The following KCMF1 variants were observed in gnomAD, a reference collection of about 807,000 sequenced individuals.
KCMF1 encodes the protein potassium channel modulatory factor 1.
KCMF1 carries 3 observed loss-of-function variants against 41.1 expected under a neutral mutation model. The observed-to-expected ratio is 0.07, with a 90% confidence interval of 0.03 to 0.19. The LOEUF (loss-of-function observed/expected upper bound fraction) is 0.19. Ranked by LOEUF, KCMF1 falls within the 10% of genes least tolerant of loss-of-function variation. The pLI is 1.00. For missense variants in KCMF1, 286 were observed against 488.9 expected (o/e 0.58, Z 3.91); for synonymous variants, 142 against 164.5 (o/e 0.86, Z 1.04).
intron 3 of KCMF1, among the ~76,000 whole-genome samples, chr2:85,037,282 A>G (rs1284703958): frequency 1.3e-5 from 2 of 152,136 alleles, no homozygotes; most frequent in Non-Finnish European, 1.5e-5. Context: ...GTTCCCACCC[A>G]TACACCTAGA....
At position 85,049,499 on chromosome 2, in the gene KCMF1, G is replaced by A. The variant is rs1675755282; in HGVS notation, c.735G>A (p.Arg245=). ...AACGGCAGCATGCCCAGGCAGCACGGCAACAACTGGAGACCGCACGCAACG... is the reference window on the plus strand; with the variant it reads ...AACGGCAGCATGCCCAGGCAGCACGACAACAACTGGAGACCGCACGCAACG... ...QLERQHAQAA[R]QQLETARNAT... is the part of the protein sequence containing the mutation. The change falls in exon 6 of 7, where the codon CGG becomes CGA. Residue 245 remains arginine, a synonymous_variant. Transcript: ENST00000409785. The A allele has an allele frequency of 1.9e-6, 3 of 1,614,016 alleles. No individual in the cohort carries two copies. The highest frequency in any genetic ancestry group is 2.5e-6 in the Non-Finnish European group (3 of 1,179,904).
At chr2:85,016,636 T>C (rs2104011757) in intron 1 of KCMF1, among the ~76,000 whole-genome samples, 1 of 152,270 alleles carries the variant, frequency 6.6e-6, no homozygotes, top group East Asian at 1.9e-4. Flanking sequence ...CCATTTTCTT[T>C]AAGCAAAATA....
intron 1 of KCMF1, among the ~76,000 whole-genome samples, chr2:84,991,992 T>C (rs1674050905): frequency 6.6e-6 from 1 of 152,200 alleles, no homozygotes; most frequent in South Asian, 2.1e-4. Flanking sequence ...ACTTCTGCAA[T>C]GGATGAAATT....
intron 1 of KCMF1, among the ~76,000 whole-genome samples, chr2:85,022,934 G>A (rs1027379444): frequency 1.4e-5 from 2 of 145,194 alleles, no homozygotes; most frequent in African/African-American, 5.2e-5. Flanking sequence ...TGTTGCCCAG[G>A]CTAGAGTGCG....
At chr2:85,005,151 C>T (rs1674435921) in intron 1 of KCMF1, among the ~76,000 whole-genome samples, 1 of 152,132 alleles carries the variant, frequency 6.6e-6, no homozygotes, top group East Asian at 1.9e-4. Flanking sequence ...ACAAGATCCA[C>T]CCGCCTCAGC....
At chr2:85,006,248 T>C (rs1331302705) in intron 1 of KCMF1, among the ~76,000 whole-genome samples, 3 of 151,730 alleles carry the variant, frequency 2.0e-5, no homozygotes, top group Non-Finnish European at 2.9e-5. Context: ...AGTTTCACTT[T>C]CCTTATATTG....
chr2:85,049,985 C>A (rs868162389), intron 6 of KCMF1, among the ~76,000 whole-genome samples: 2 of 152,036 alleles, frequency 1.3e-5, no homozygotes, highest in African/African-American at 4.8e-5. Context: ...ATGATGAAAT[C>A]TTATCTCTAC....
At chr2:84,984,316 G>A (rs918527712) in intron 1 of KCMF1, among the ~76,000 whole-genome samples, 1 of 151,920 alleles carries the variant, frequency 6.6e-6, no homozygotes, top group Non-Finnish European at 1.5e-5. Context: ...GCCAAGGCTG[G>A]TCTCAAACTC....
In KCMF1 at chr2:84,995,943, A is replaced by G. The variant is rs546369840; in HGVS notation, c.16+24476A>G. The stretch of plus-strand genomic sequence containing the variant: ...AAGTAATGAAGAAGTCAGATACTCT[A>G]TAAATGTGATGGCTTCAAATGCAAG... On this transcript the variant is annotated intron_variant, in intron 1 of 6. Coordinates refer to ENST00000409785, the MANE Select transcript of KCMF1 (RefSeq NM_020122.5). Among the ~76,000 whole-genome samples, 9 of 152,368 alleles carry G rather than the reference A, an allele frequency of 5.9e-5. 1 individual carries two copies. The South Asian group carries it at 1.9e-3, about 32-fold the overall frequency.
intron 1 of KCMF1, among the ~76,000 whole-genome samples, chr2:84,994,713 CTTTAATA>C (rs1468600354): frequency 6.6e-6 from 1 of 151,910 alleles, no homozygotes; most frequent in African/African-American, 2.4e-5. Context: ...AACAACACTT[CTTTAATA>C]TTTAATACTC....
At chr2:84,979,928 T>C (rs1213222539) in intron 1 of KCMF1, among the ~76,000 whole-genome samples, 1 of 152,076 alleles carries the variant, frequency 6.6e-6, no homozygotes, top group Non-Finnish European at 1.5e-5. Context: ...GTTCAAGTGT[T>C]TCTCCTGCTT....
In KCMF1 at chr2:85,058,986, C is replaced by G. The variant is rs1485556180; in HGVS notation, c.*5577C>G. ...TAAGGTTTTCTTGAGGTAGATGCAG[C>G]AATATTCCTGGGGTAAGATTCTATA... On this transcript the variant is annotated 3_prime_UTR_variant, in exon 7 of 7. Coordinates refer to ENST00000409785, the MANE Select transcript of KCMF1 (RefSeq NM_020122.5). 6.6e-6 allele frequency: 1 copy of G among 152,096 alleles called. No individual in the cohort carries two copies. The highest frequency in any genetic ancestry group is 6.6e-5 in the Admixed American group (1 of 15,264). 9.4% of individuals were successfully genotyped at this position (152,096 alleles called of 1,614,324 possible). A position where few individuals can be genotyped will look rare whatever the true frequency, so the allele number is the denominator to read the frequency against.
intron 1 of KCMF1, among the ~76,000 whole-genome samples, chr2:84,974,334 T>C (rs1673476703): frequency 6.6e-6 from 1 of 152,130 alleles, no homozygotes; most frequent in East Asian, 1.9e-4. Context: ...TACTTTGTCT[T>C]TGTACCCACC....
At chr2:85,016,014 G>A (rs1674759933) in intron 1 of KCMF1, among the ~76,000 whole-genome samples, 1 of 152,072 alleles carries the variant, frequency 6.6e-6, no homozygotes, top group Admixed American at 6.6e-5. Context: ...AGGACTCACA[G>A]AATTCTACCT....
chr2:84,971,459 G>T lies in KCMF1; in HGVS notation c.8G>T (p.Arg3Leu). 7.8e-7 allele frequency: 1 copy of T among 1,281,688 alleles called. No individual in the cohort carries two copies. The highest frequency in any genetic ancestry group is 1.0e-6 in the Non-Finnish European group (1 of 991,238). The allele number at this position is 1,281,688 out of a possible 1,614,324, so 79.4% of individuals were successfully genotyped here. A position where few individuals can be genotyped will look rare whatever the true frequency, so the allele number is the denominator to read the frequency against. MS[R>L]HEGVSCDACL... ...GCCACCGTCTGAACTAGGATGTCCC[G>T]ACATGAAGGTGAGAGGAGCCCCCGC... The change falls in exon 1 of 7, where the codon CGA becomes CTA. Residue 3 changes from arginine (R) to leucine (L), a missense_variant. Arg to Leu is a moderately radical substitution (Grantham distance 102, BLOSUM62 -2). This residue lies in a region of KCMF1 where 95 missense variants were observed against 209.6 expected (regional missense o/e 0.45). Transcript: ENST00000409785.
At chr2:84,990,450 TG>T in intron 1 of KCMF1, among the ~76,000 whole-genome samples, 1 of 152,014 alleles carries the variant, frequency 6.6e-6, no homozygotes, top group Non-Finnish European at 1.5e-5. Context: ...GACTGGGGGT[TG>T]GGGGGTGGAG....
Position 84,975,998 on chromosome 2 carries a change from A to G in KCMF1, c.16+4531A>G, listed in dbSNP as rs556645740. On this transcript the variant is annotated intron_variant, in intron 1 of 6. Transcript: ENST00000409785. ...CTAGGTTCCAAGGAATGTGGGGCTA[A>G]GTGAATAAGATGCAGCTCCTTACTT... Among the ~76,000 whole-genome samples, 8 of 152,322 alleles carry G rather than the reference A, an allele frequency of 5.3e-5. No individual in the cohort carries two copies. In the South Asian group the frequency reaches 1.7e-3, roughly 32 times the overall value.
At chr2:85,031,694 C>G (rs1675272059) in intron 2 of KCMF1, among the ~76,000 whole-genome samples, 1 of 152,132 alleles carries the variant, frequency 6.6e-6, no homozygotes, top group African/African-American at 2.4e-5. Context: ...CATTGTAAGT[C>G]AAGGAGCATC....
chr2:85,001,105 T>C (rs531046195), intron 1 of KCMF1, among the ~76,000 whole-genome samples: 1 of 151,434 alleles, frequency 6.6e-6, no homozygotes, highest in African/African-American at 2.4e-5. Flanking sequence ...GAATTACAGG[T>C]GTGAGCCACT....
Sources: gnomAD v4.1 joint callset for allele counts (sites outside exome capture counted in the v4.1 genomes callset) on GRCh38, gnomAD v4.1.1 for gene constraint, gnomAD v4.1.1 regional missense constraint, MANE v1.5 for transcripts, NCBI Gene and HGNC (gene_info 2026-07-23, HGNC 2026-07-21) for gene names.